Variants in BTBD16 observed in about 807,000 individuals in gnomAD.
The protein encoded by BTBD16 is BTB domain containing 16.
Under a neutral mutation model 67.4 loss-of-function variants are expected in BTBD16, and 66 were observed. That is an observed-to-expected ratio of 0.98 (90% CI 0.80 to 1.20). BTBD16 has a LOEUF of 1.20. BTBD16 is among the 50% of genes most tolerant of loss of function. BTBD16 has a pLI of 0.00. For missense variants in BTBD16, 634 were observed against 616.0 expected (o/e 1.03, Z -0.31); for synonymous variants, 242 against 236.4 (o/e 1.02, Z -0.22).
At chr10:122,297,156 A>T (rs2096384824) in intron 7 of BTBD16, among the ~76,000 whole-genome samples, 1 of 152,248 alleles carries the variant, frequency 6.6e-6, no homozygotes, top group African/African-American at 2.4e-5. Context: ...AAATGTGGTT[A>T]TCTGTCTGAA....
At chr10:122,277,352 C>T (rs1025733710) in intron 3 of BTBD16, among the ~76,000 whole-genome samples, 6 of 152,064 alleles carry the variant, frequency 3.9e-5, no homozygotes, top group East Asian at 1.9e-4. Context: ...CATGGCATTC[C>T]GAGCAGTAGG....
At chr10:122,278,541 T>G (rs1322630620) in intron 3 of BTBD16, among the ~76,000 whole-genome samples, 1 of 152,150 alleles carries the variant, frequency 6.6e-6, no homozygotes, top group African/African-American at 2.4e-5. Context: ...TGGGCAGCAT[T>G]TTAGTAATTA....
At chr10:122,283,490 G>T (rs995653231) in intron 3 of BTBD16, among the ~76,000 whole-genome samples, 7 of 152,288 alleles carry the variant, frequency 4.6e-5, no homozygotes, top group African/African-American at 1.7e-4. Flanking sequence ...TCCCAGAAAT[G>T]AGCAGAACCC....
chr10:122,303,991 C>T (rs1022777523), intron 9 of BTBD16, among the ~76,000 whole-genome samples: 1 of 152,164 alleles, frequency 6.6e-6, no homozygotes, highest in African/African-American at 2.4e-5. Flanking sequence ...AAGGACTCCC[C>T]CATGTTGCTG....
intron 7 of BTBD16, among the ~76,000 whole-genome samples, chr10:122,297,539 T>C (rs575802270): frequency 1.2e-3 from 178 of 152,328 alleles, no homozygotes; most frequent in African/African-American, 4.3e-3. Context: ...AGGGTTACTT[T>C]GTTTTCTCCT....
chr10:122,307,318 CTT>C lies in BTBD16; in HGVS notation c.911+11_911+12del, dbSNP rs758342097. The C allele has an allele frequency of 3.0e-4, 478 of 1,593,772 alleles. 1 individual carries two copies. Among genetic ancestry groups the C allele is most frequent in the Middle Eastern group, 5.0e-4 (3 of 5,964 alleles). On this transcript the variant is annotated intron_variant, in intron 10 of 15. Coordinates refer to ENST00000260723, the MANE Select transcript of BTBD16 (RefSeq NM_144587.5). ...TGACATTTTTTAAGAGGTAATATAACTTAGTGTTGATTGATGAAATACACAAA... is the reference window on the plus strand; with the variant it reads ...TGACATTTTTTAAGAGGTAATATAACAGTGTTGATTGATGAAATACACAAA...
intron 8 of BTBD16, 118 bp from the exon 9 acceptor site, chr10:122,298,886 G>T: frequency 7.5e-7 from 1 of 1,340,516 alleles, no homozygotes; most frequent in Non-Finnish European, 1.0e-6. Flanking sequence ...TTGTAGAAAA[G>T]GTTTGAGCGC....
chr10:122,301,546 A>G (rs901863504), intron 9 of BTBD16, among the ~76,000 whole-genome samples: 1 of 152,104 alleles, frequency 6.6e-6, no homozygotes, highest in Admixed American at 6.5e-5. Flanking sequence ...GGCTCTGCCC[A>G]CATCTTCTGA....
rs1018765085 is a variant in BTBD16, at chr10:122,322,226, C to T, written c.912-7254C>T. On this transcript the variant is annotated intron_variant, in intron 10 of 15. Transcript: ENST00000260723. ...CTTCGTTATTTCCTTCTACTTTCTT[C>T]AAGAATTGATATTCTTTTTCTAACC... 2.6e-5 allele frequency among the ~76,000 whole-genome samples: 4 copies of T among 152,152 alleles called. 1 individual carries two copies. The South Asian group carries it at 8.3e-4, about 31-fold the overall frequency.
At chr10:122,278,556 C>T (rs573801390) in intron 3 of BTBD16, among the ~76,000 whole-genome samples, 19 of 152,330 alleles carry the variant, frequency 1.2e-4, no homozygotes, top group African/African-American at 3.6e-4. Flanking sequence ...TAATTAATCC[C>T]GGTGATTTCA....
chr10:122,316,267 A>AAAAACAAAAC (rs1021815360), intron 10 of BTBD16, among the ~76,000 whole-genome samples: 3 of 152,134 alleles, frequency 2.0e-5, no homozygotes, highest in Non-Finnish European at 4.4e-5. Context: ...ACTCCAACTC[A>AAAAACAAAAC]AAAACAAAAC....
At chr10:122,275,013 G>A (rs7096744) in intron 1 of BTBD16, 27 bp from the exon 2 acceptor site, 3 of 1,533,452 alleles carry the variant, frequency 2.0e-6, no homozygotes, top group Non-Finnish European at 2.7e-6. Flanking sequence ...TATGGAAAAT[G>A]TCACCTTTAC....
intron 10 of BTBD16, among the ~76,000 whole-genome samples, chr10:122,310,422 C>T (rs557954964): frequency 3.9e-5 from 6 of 152,140 alleles, no homozygotes; most frequent in Admixed American, 1.3e-4. Flanking sequence ...GGCTGGTGGC[C>T]GGAGGGCTCC....
chr10:122,320,433 T>A (rs554092110), intron 10 of BTBD16, among the ~76,000 whole-genome samples: 59 of 152,272 alleles, frequency 3.9e-4, no homozygotes, highest in Admixed American at 2.0e-4. Context: ...AAATGTTTAG[T>A]TTGCCCTTCT....
intron 4 of BTBD16, 55 bp from the exon 5 acceptor site, chr10:122,286,050 T>A (rs2096363022): frequency 6.5e-7 from 1 of 1,528,904 alleles, no homozygotes; most frequent in African/African-American, 1.4e-5. Flanking sequence ...AGCTGATGCA[T>A]CTTTGGGTGG....
In BTBD16 at chr10:122,291,126, T is replaced by C. The variant is rs2096373227; in HGVS notation, c.522T>C (p.Ile174=). 6.2e-7 allele frequency: 1 copy of C among 1,613,696 alleles called. No homozygotes were observed. Among genetic ancestry groups the C allele is most frequent in the Middle Eastern group, 1.7e-4 (1 of 6,048 alleles). Residue 174 remains isoleucine, a synonymous_variant, in exon 7 of 16, where the codon ATT becomes ATC. Coordinates refer to ENST00000260723, the MANE Select transcript of BTBD16 (RefSeq NM_144587.5). ...ACCTCTACATGAGTGAGGTGGAGAT[T>C]AACTTGGAAGACCTACTGGGAGTGC... The part of the protein sequence containing the change: ...LKNLYMSEVE[I]NLEDLLGVLA...
intron 7 of BTBD16, among the ~76,000 whole-genome samples, chr10:122,292,625 G>A (rs1239218410): frequency 6.6e-6 from 1 of 152,158 alleles, no homozygotes; most frequent in Non-Finnish European, 1.5e-5. Flanking sequence ...TCACTTGTTG[G>A]TTTATTCACT....
At chr10:122,276,677 A>G (rs1356167763) in intron 2 of BTBD16, 114 bp from the exon 3 acceptor site, 3 of 1,402,982 alleles carry the variant, frequency 2.1e-6, no homozygotes, top group Admixed American at 4.3e-5. Context: ...TTCAAAAATT[A>G]ACCAGCACTG....
At chr10:122,309,496 C>T (rs1248480903) in intron 10 of BTBD16, among the ~76,000 whole-genome samples, 1 of 152,034 alleles carries the variant, frequency 6.6e-6, no homozygotes. Flanking sequence ...AGGCAAGCGC[C>T]ACCACACCCA....
Sources: gnomAD v4.1 joint callset for allele counts (sites outside exome capture counted in the v4.1 genomes callset) on GRCh38, gnomAD v4.1.1 for gene constraint, MANE v1.5 for transcripts, NCBI Gene and HGNC (gene_info 2026-07-23, HGNC 2026-07-21) for gene names.